GPC6: variants seen among roughly 807,000 people sequenced by gnomAD.
GPC6 encodes glypican 6.
Under a neutral mutation model 55.2 loss-of-function variants are expected in GPC6, and 14 were observed. That is an observed-to-expected ratio of 0.25 (90% confidence interval 0.17 to 0.40). The LOEUF (loss-of-function observed/expected upper bound fraction) is 0.40. GPC6 is among the 10% of genes least tolerant of loss of function. GPC6 has a pLI of 1.00. For missense variants in GPC6, 641 were observed against 708.5 expected, an observed-to-expected ratio of 0.90 and a Z score of 1.08; for synonymous variants, 278 against 259.6, an observed-to-expected ratio of 1.07 and a Z score of -0.68.
At chr13:94,061,800 A>C (rs545630070) in intron 4 of GPC6, among the ~76,000 whole-genome samples, 3 of 152,004 alleles carry the variant, frequency 2.0e-5, no homozygotes, top group Non-Finnish European at 4.4e-5. Flanking sequence ...GGGGGAAAAA[A>C]AAAAAACAAA....
intron 3 of GPC6, among the ~76,000 whole-genome samples, chr13:93,874,772 C>T (rs1889238193): frequency 6.6e-6 from 1 of 151,778 alleles, no homozygotes; most frequent in Admixed American, 6.6e-5. Flanking sequence ...TCTCCTTCTT[C>T]ATATCTCCTA....
intron 6 of GPC6, among the ~76,000 whole-genome samples, chr13:94,338,339 C>G (rs955071113): frequency 6.6e-6 from 1 of 152,202 alleles, no homozygotes; most frequent in Non-Finnish European, 1.5e-5. Flanking sequence ...AGAGAACCCA[C>G]TGCTTCAGGA....
At chr13:93,382,887 T>C (rs2139206402) in intron 1 of GPC6, among the ~76,000 whole-genome samples, 1 of 152,328 alleles carries the variant, frequency 6.6e-6, no homozygotes, top group South Asian at 2.1e-4. Context: ...CTCTTGTCCT[T>C]TGGCGGTTTC....
intron 3 of GPC6, among the ~76,000 whole-genome samples, chr13:93,985,362 A>G (rs9556344): frequency 0.99 from 150,761 of 151,894 alleles, 74,829 homozygotes; most frequent in Middle Eastern, 1. Context: ...GCTTGAACCC[A>G]GGAGGTAGAG....
intron 4 of GPC6, among the ~76,000 whole-genome samples, chr13:94,279,716 G>A (rs1276933626): frequency 1.3e-5 from 2 of 152,162 alleles, no homozygotes; most frequent in Non-Finnish European, 2.9e-5. Context: ...AGTCACTCAG[G>A]AGCAGGTTGT....
At chr13:94,259,936 C>T (rs1180314227) in intron 4 of GPC6, among the ~76,000 whole-genome samples, 2 of 152,112 alleles carry the variant, frequency 1.3e-5, no homozygotes, top group African/African-American at 2.4e-5. Flanking sequence ...TTTTGTTTAT[C>T]ATTAATCTAC....
chr13:93,655,288 T>G (rs1349228014), intron 2 of GPC6, among the ~76,000 whole-genome samples: 11 of 152,110 alleles, frequency 7.2e-5, no homozygotes, highest in African/African-American at 2.7e-4. Context: ...TGGCCACAGT[T>G]AGATGATTGA....
chr13:93,449,152 G>C (rs570462148), intron 1 of GPC6, among the ~76,000 whole-genome samples: 13 of 152,346 alleles, frequency 8.5e-5, no homozygotes, highest in African/African-American at 3.1e-4. Context: ...ACAATGTAAG[G>C]ATGCCCATGC....
intron 3 of GPC6, among the ~76,000 whole-genome samples, chr13:93,942,046 A>C (rs988424159): frequency 3.9e-5 from 6 of 152,270 alleles, no homozygotes; most frequent in African/African-American, 1.4e-4. Flanking sequence ...AGTTTTTAAG[A>C]GAATTCCTAA....
chr13:93,574,528 C>G (rs1480596999), intron 2 of GPC6, among the ~76,000 whole-genome samples: 1 of 152,116 alleles, frequency 6.6e-6, no homozygotes, highest in Non-Finnish European at 1.5e-5. Context: ...AATTTCTGTT[C>G]TATTAAGGTG....
At chr13:94,329,748 C>T (rs180701880) in intron 6 of GPC6, among the ~76,000 whole-genome samples, 16 of 152,042 alleles carry the variant, frequency 1.1e-4, no homozygotes, top group Admixed American at 2.0e-4. Flanking sequence ...CTTTACTTCT[C>T]CTCCTCCTCT....
intron 1 of GPC6, among the ~76,000 whole-genome samples, chr13:93,294,516 G>T (rs1287073300): frequency 2.0e-5 from 3 of 152,024 alleles, no homozygotes; most frequent in African/African-American, 7.2e-5. Context: ...TTTGGTGCCT[G>T]TGTAAGGTAG....
intron 7 of GPC6, among the ~76,000 whole-genome samples, chr13:94,392,485 A>G (rs1216668901): frequency 1.4e-5 from 2 of 139,164 alleles, no homozygotes; most frequent in African/African-American, 5.3e-5. Flanking sequence ...CTGGAGTGCA[A>G]TGGCCGTGAT....
At chr13:94,316,691 T>C (rs1594162281) in intron 6 of GPC6, among the ~76,000 whole-genome samples, 1 of 134,658 alleles carries the variant, frequency 7.4e-6, no homozygotes, top group East Asian at 2.1e-4. Flanking sequence ...CACTCCAGCC[T>C]GGGCGACAGA....
intron 1 of GPC6, among the ~76,000 whole-genome samples, chr13:93,415,148 C>T (rs1380571924): frequency 3.9e-5 from 6 of 151,930 alleles, no homozygotes; most frequent in Non-Finnish European, 8.8e-5. Flanking sequence ...GCAAAACGTG[C>T]TCTATTTCTC....
chr13:93,444,013 TAGAG>T (rs947858822), intron 1 of GPC6, among the ~76,000 whole-genome samples: 33 of 152,232 alleles, frequency 2.2e-4, no homozygotes, highest in Admixed American at 1.9e-3. Context: ...TCCATGACCA[TAGAG>T]AATCAATCCA....
intron 6 of GPC6, among the ~76,000 whole-genome samples, chr13:94,335,362 C>T (rs1192236660): frequency 6.6e-6 from 1 of 152,146 alleles, no homozygotes; most frequent in Non-Finnish European, 1.5e-5. Flanking sequence ...GGATCTTTTT[C>T]CAGGAGTCTC....
At chr13:94,099,429 T>A (rs1191112620) in intron 4 of GPC6, among the ~76,000 whole-genome samples, 1 of 152,118 alleles carries the variant, frequency 6.6e-6, no homozygotes, top group Non-Finnish European at 1.5e-5. Context: ...TTTTGCATAT[T>A]ATGGCTTGCT....
At chr13:93,263,363 G>GT (rs959026056) in intron 1 of GPC6, among the ~76,000 whole-genome samples, 52 of 151,298 alleles carry the variant, frequency 3.4e-4, no homozygotes, top group East Asian at 1.2e-3. Context: ...TTGTTTTTTT[G>GT]TTTTTTTTGT....
Sources: allele counts gnomAD v4.1 joint callset (sites outside exome capture counted in the v4.1 genomes callset), GRCh38; gene constraint gnomAD v4.1.1; transcripts MANE v1.5; gene names NCBI Gene and HGNC (gene_info 2026-07-23, HGNC 2026-07-21).